NDEL1: variants seen among roughly 807,000 people sequenced by gnomAD.
NDEL1 encodes nudE neurodevelopment protein 1 like 1.
In NDEL1, 9 loss-of-function variants were observed where a neutral mutation model predicts 45.7. That is an observed-to-expected ratio of 0.20 (90% CI 0.12 to 0.34). NDEL1 has a LOEUF of 0.34. Among genes scored for constraint, NDEL1 ranks in the 10% least tolerant of loss-of-function variants. NDEL1 has a pLI of 1.00. For missense variants in NDEL1, 306 were observed against 406.2 expected (o/e 0.75, Z 2.12); for synonymous variants, 133 against 158.6 (o/e 0.84, Z 1.21).
rs1420349278 is a variant in NDEL1 at position 8,420,036 on chromosome 17, G to A, written c.-13+6767G>A. Among the ~76,000 whole-genome samples the A allele has an allele frequency of 2.0e-5, 3 of 152,296 alleles. No homozygotes were observed. The South Asian group carries it at 6.2e-4, about 32-fold the overall frequency. ...TTCTGTCCCTGAGTCGGCCACTAAC[G>A]CAGTCTCATGTGTCCTTGGGCAGAT... On this transcript the variant is annotated intron_variant, in intron 1 of 4. Transcript: ENST00000582812.
At chr17:8,470,007 C>T (rs1478288226), downstream of NDEL1, among the ~76,000 whole-genome samples, 2 of 151,898 alleles carry the variant, frequency 1.3e-5, no homozygotes, top group African/African-American at 2.4e-5. This position sits in a 1 kb window ranked among gnomAD's most constrained non-coding sequence, Gnocchi z 4.2. Flanking sequence ...CGTGGCTGGC[C>T]TTAGTGACGT....
intron 6 of NDEL1, among the ~76,000 whole-genome samples, 164 bp downstream of exon 6, chr17:8,451,117 A>G (rs551858596): frequency 1.3e-5 from 2 of 152,348 alleles, no homozygotes; most frequent in Admixed American, 6.5e-5. Context: ...CTAGGCCACT[A>G]ATATATAGGA....
In NDEL1 at chr17:8,425,452, C is replaced by T. The variant is rs1325458655; in HGVS notation, c.-13+12183C>T. ...CAAAAATTAGCTGGGTGTGGTGGCA[C>T]ATGCCTGTGGTCCCAAGTACTTGAG... On this transcript the variant is annotated intron_variant, in intron 1 of 4. Transcript: ENST00000582812. Among the ~76,000 whole-genome samples the T allele has an allele frequency of 3.9e-5, 6 of 152,078 alleles. No individual in the cohort carries two copies. In the South Asian group the frequency reaches 1.0e-3, roughly 26 times the overall value.
At chr17:8,466,454 T>C (rs980198859) in intron 8 of NDEL1, 4 of 153,180 alleles carry the variant, frequency 2.6e-5, no homozygotes, top group South Asian at 1.9e-4. Context: ...TACTATTTGC[T>C]TTTTTTTCTT....
upstream of NDEL1, among the ~76,000 whole-genome samples, chr17:8,432,534 A>G (rs1909043368): frequency 1.3e-5 from 2 of 150,812 alleles, no homozygotes; most frequent in Non-Finnish European, 3.0e-5. Context: ...ACAGGCGTCC[A>G]CCACTACACC....
chr17:8,455,385 C>T (rs772745751), intron 7 of NDEL1, among the ~76,000 whole-genome samples: 6 of 152,094 alleles, frequency 3.9e-5, no homozygotes, highest in Non-Finnish European at 8.8e-5. Flanking sequence ...AGAACAGTTT[C>T]GCTTCTGAAA....
At chr17:8,444,108 G>C (rs1835365156) in intron 1 of NDEL1, 152 bp from the exon 2 acceptor site, 2 of 566,302 alleles carry the variant, frequency 3.5e-6, no homozygotes, top group Non-Finnish European at 6.3e-6. Flanking sequence ...TGGAGTGATT[G>C]ACGTGCCTGA....
intron 1 of NDEL1, among the ~76,000 whole-genome samples, chr17:8,425,395 A>G (rs1212894420): frequency 6.6e-6 from 1 of 152,240 alleles, no homozygotes; most frequent in Non-Finnish European, 1.5e-5. Flanking sequence ...CAGCCTGGGC[A>G]ACGTGGTGAA....
At chr17:8,458,480 A>G (rs1463748297) in intron 7 of NDEL1, among the ~76,000 whole-genome samples, 1 of 152,118 alleles carries the variant, frequency 6.6e-6, no homozygotes, top group East Asian at 1.9e-4. Context: ...GCCGTGTGAT[A>G]GATACTCAAT....
chr17:8,436,064 G>T lies in NDEL1; in HGVS notation c.-13+19G>T. 2.3e-6 allele frequency: 1 copy of T among 426,754 alleles called. No individual in the cohort carries two copies. Among genetic ancestry groups the T allele is most frequent in the Non-Finnish European group, 4.7e-6 (1 of 214,518 alleles). The allele number at this position is 426,754 out of a possible 1,614,324, so 26.4% of individuals were successfully genotyped here. A position where few individuals can be genotyped will look rare whatever the true frequency, so the allele number is the denominator to read the frequency against. ...ATTGGAGGTGAGCCTGCAGCGCGGG[G>T]CCGCTCCCTAAGGGGCTGCGCTGGG... On this transcript the variant is annotated intron_variant, in intron 1 of 8. Coordinates refer to ENST00000334527, the MANE Select transcript of NDEL1 (RefSeq NM_030808.5).
chr17:8,432,689 A>AT (rs1233333112), upstream of NDEL1, among the ~76,000 whole-genome samples: 3 of 152,052 alleles, frequency 2.0e-5, no homozygotes, highest in East Asian at 1.9e-4. Context: ...TGGCCTAAAG[A>AT]TTTTTTAAGA....
downstream of NDEL1, among the ~76,000 whole-genome samples, chr17:8,471,585 G>A (rs1239158487): frequency 2.6e-5 from 4 of 152,202 alleles, no homozygotes; most frequent in Non-Finnish European, 4.4e-5. Flanking sequence ...CCAGTCAGCC[G>A]GAATGGAGCC....
chr17:8,447,988 G>C (rs1597539264), intron 4 of NDEL1, among the ~76,000 whole-genome samples: 1 of 149,858 alleles, frequency 6.7e-6, no homozygotes, highest in Non-Finnish European at 1.5e-5. Flanking sequence ...TGGGCGGGGG[G>C]GGGGCAGTGG....
chr17:8,466,842 C>T (rs1344288573), intron 8 of NDEL1, 88 bp from the exon 9 acceptor site: 2 of 1,301,450 alleles, frequency 1.5e-6, no homozygotes, highest in East Asian at 4.6e-5. Flanking sequence ...TTTTAGAAAG[C>T]AGATTAATTT....
At chr17:8,428,331 T>G (rs961702136) in intron 1 of NDEL1, among the ~76,000 whole-genome samples, 4 of 40,006 alleles carry the variant, frequency 1.0e-4, no homozygotes, top group Non-Finnish European at 1.7e-4. Context: ...GTGGTGTGTG[T>G]GTGTGTGTGT....
At chr17:8,433,832 T>A (rs931927354), upstream of NDEL1, among the ~76,000 whole-genome samples, 1 of 152,020 alleles carries the variant, frequency 6.6e-6, no homozygotes, top group Non-Finnish European at 1.5e-5. Flanking sequence ...AAAAAAAAAA[T>A]TGGAAATCCA....
intron 1 of NDEL1, among the ~76,000 whole-genome samples, chr17:8,425,493 G>GA (rs933403906): frequency 2.4e-4 from 36 of 151,548 alleles, no homozygotes; most frequent in African/African-American, 8.0e-4. Context: ...GAGGTCGGGG[G>GA]ATCACCTGAG....
intron 1 of NDEL1, among the ~76,000 whole-genome samples, chr17:8,413,472 G>A (rs942807746): frequency 1.3e-5 from 2 of 152,216 alleles, no homozygotes; most frequent in African/African-American, 4.8e-5. Context: ...GACGGCTTTG[G>A]TGGTTTCCTG....
At chr17:8,449,740 T>C (rs181546398) in intron 5 of NDEL1, among the ~76,000 whole-genome samples, 4 of 151,152 alleles carry the variant, frequency 2.6e-5, no homozygotes, top group African/African-American at 9.9e-5. Context: ...GGCTGAATGA[T>C]ACTCCATTGT....
Sources: allele counts gnomAD v4.1 joint callset (sites outside exome capture counted in the v4.1 genomes callset), GRCh38; gene constraint gnomAD v4.1.1; non-coding constraint Gnocchi (gnomAD v3.1); transcripts MANE v1.5; gene names NCBI Gene and HGNC (gene_info 2026-07-23, HGNC 2026-07-21).